The following ARHGEF12 variants were observed in gnomAD, a reference collection of about 807,000 sequenced individuals.
ARHGEF12 encodes KMT2A/ARHGEF12 fusion protein.
A neutral mutation model predicts 211.2 loss-of-function variants in ARHGEF12; 66 were observed. That is an observed-to-expected ratio of 0.31 (90% confidence interval 0.26 to 0.38). The LOEUF (loss-of-function observed/expected upper bound fraction) is 0.38, where lower values mean the gene tolerates loss of function less well. Ranked by LOEUF, ARHGEF12 falls within the 10% of genes least tolerant of loss-of-function variation. The pLI is 1.00. For synonymous variants in ARHGEF12, 592 were observed against 638.4 expected (o/e 0.93, Z 1.09); for missense variants, 1,429 against 1,869.5 (o/e 0.76, Z 4.34).
intron 30 of ARHGEF12, 152 bp downstream of exon 30, chr11:120,469,540 C>T (rs1371598847): frequency 1.5e-6 from 1 of 677,402 alleles, no homozygotes; most frequent in Non-Finnish European, 2.4e-6. Flanking sequence ...AGGTCAAGAT[C>T]AATCTGTGAT....
intron 1 of ARHGEF12, among the ~76,000 whole-genome samples, chr11:120,380,616 A>G (rs1943852169): frequency 6.6e-6 from 1 of 152,190 alleles, no homozygotes; most frequent in Admixed American, 6.5e-5. Context: ...GGGGTGCATG[A>G]TGTCCACGTG....
intron 1 of ARHGEF12, among the ~76,000 whole-genome samples, chr11:120,392,538 G>A (rs1366966867): frequency 2.0e-5 from 3 of 152,064 alleles, no homozygotes; most frequent in East Asian, 1.9e-4. Flanking sequence ...TGCCTGTAAC[G>A]GAAAACACAA....
At chr11:120,367,511 G>A (rs1212162772) in intron 1 of ARHGEF12, among the ~76,000 whole-genome samples, 4 of 151,114 alleles carry the variant, frequency 2.6e-5, no homozygotes, top group African/African-American at 7.3e-5. Flanking sequence ...GATTACAGGC[G>A]CATGCCACCA....
At chr11:120,391,927 G>A (rs1944230890) in intron 1 of ARHGEF12, among the ~76,000 whole-genome samples, 1 of 152,162 alleles carries the variant, frequency 6.6e-6, no homozygotes, top group Non-Finnish European at 1.5e-5. Context: ...AGTATTTGAT[G>A]TTTGAGACAA....
At position 120,487,724 on chromosome 11, in the gene ARHGEF12, G is replaced by A; in HGVS notation, c.*2647G>A. ...TGCATTTTAGCTATGGAAGTGACCT[G>A]CTGTGACACTGTGCTCTCTTCTGTG... On this transcript the variant is annotated 3_prime_UTR_variant, in exon 41 of 41. Transcript: ENST00000397843. 4.5e-6 allele frequency: 1 copy of A among 220,792 alleles called. No individual in the cohort carries two copies. Among genetic ancestry groups the A allele is most frequent in the East Asian group, 6.6e-5 (1 of 15,120 alleles). 13.7% of individuals were successfully genotyped at this position (220,792 alleles called of 1,614,324 possible).
chr11:120,380,620 C>A (rs974985487), intron 1 of ARHGEF12, among the ~76,000 whole-genome samples: 2 of 152,166 alleles, frequency 1.3e-5, no homozygotes, highest in African/African-American at 4.8e-5. Context: ...TGCATGATGT[C>A]CACGTGGCAT....
rs1482638096 is a variant in ARHGEF12, at chr11:120,417,636, T to A, written c.200-3117T>A. ...TTCAAGCAGTTCTCCTGCCTCAGCC[T>A]CCCAAGTAGCTGAGATTACAGGTAC... On this transcript the variant is annotated intron_variant, in intron 4 of 40. Transcript: ENST00000397843. Among the ~76,000 whole-genome samples the A allele has an allele frequency of 7.9e-5, 12 of 150,998 alleles. No homozygotes were observed. The East Asian group carries it at 2.0e-3, about 25-fold the overall frequency.
rs773336293 is a variant in ARHGEF12, at chr11:120,429,736, A to T, written c.688A>T (p.Thr230Ser). Residue 230 changes from threonine (T) to serine (S), a missense_variant, in exon 10 of 41, where the codon ACA becomes TCA. Transcript: ENST00000397843. ...LQLLQEDYNR[T>S]PAQRLLKEIQ... ...GTTATTGCAGGAAGATTACAACCGA[A>T]CACCTGCCCAAAGATTGCTAAAAGA... 1 of 1,613,714 alleles carries T rather than the reference A, an allele frequency of 6.2e-7. No homozygotes were observed. The highest frequency in any genetic ancestry group is 8.5e-7 in the Non-Finnish European group (1 of 1,179,816).
chr11:120,362,969 A>G (rs1055215532), intron 1 of ARHGEF12, among the ~76,000 whole-genome samples: 4 of 152,284 alleles, frequency 2.6e-5, no homozygotes, highest in East Asian at 1.9e-4. Context: ...GCGTGGTGGC[A>G]GGCGCCTGTA....
intron 1 of ARHGEF12, among the ~76,000 whole-genome samples, chr11:120,399,493 T>C (rs1183743417): frequency 1.3e-5 from 2 of 152,120 alleles, no homozygotes; most frequent in Admixed American, 6.6e-5. Flanking sequence ...TCTGTTTAGC[T>C]GTCTGGCATA....
intron 1 of ARHGEF12, among the ~76,000 whole-genome samples, chr11:120,368,984 T>C (rs1056023772): frequency 6.6e-6 from 1 of 152,202 alleles, no homozygotes; most frequent in Non-Finnish European, 1.5e-5. Flanking sequence ...TTTGCCAGCA[T>C]TTATAATATA....
chr11:120,470,508 C>G (rs1946837359), intron 30 of ARHGEF12, among the ~76,000 whole-genome samples: 1 of 152,156 alleles, frequency 6.6e-6, no homozygotes, highest in Non-Finnish European at 1.5e-5. Flanking sequence ...TAGACATGCA[C>G]AGTAAGCAGT....
Position 120,423,926 on chromosome 11 carries a change from T to A in ARHGEF12, c.349-432T>A, listed in dbSNP as rs74756037. Among the ~76,000 whole-genome samples the A allele has an allele frequency of 8.6e-3, 1,306 of 152,310 alleles. 85 individuals carry two copies. The South Asian group carries it at 0.16, about 19-fold the overall frequency. Reference sequence around the variant, plus strand: ...ATTAATTTTCTTTGTGAAGATTAGATCATGGTTGAAAAACTAAAAGCAAAT... The same window carrying A: ...ATTAATTTTCTTTGTGAAGATTAGAACATGGTTGAAAAACTAAAAGCAAAT... On this transcript the variant is annotated intron_variant, in intron 6 of 40. Coordinates refer to ENST00000397843, the MANE Select transcript of ARHGEF12 (RefSeq NM_015313.3).
intron 7 of ARHGEF12, among the ~76,000 whole-genome samples, chr11:120,427,382 C>T (rs991453437): frequency 2.0e-5 from 3 of 152,090 alleles, no homozygotes; most frequent in African/African-American, 7.2e-5. Context: ...ATTCACTAAA[C>T]CCTGCCTAGT....
chr11:120,359,595 G>A (rs566955680), intron 1 of ARHGEF12, among the ~76,000 whole-genome samples: 4 of 152,162 alleles, frequency 2.6e-5, no homozygotes, highest in Non-Finnish European at 4.4e-5. Context: ...GAATATCTGG[G>A]TACAAATATC....
intron 22 of ARHGEF12, among the ~76,000 whole-genome samples, chr11:120,451,952 G>T (rs138716077): frequency 2.0e-5 from 3 of 152,080 alleles, no homozygotes; most frequent in Admixed American, 6.6e-5. Context: ...GCTTTGTCCC[G>T]GATGTTAACA....
At chr11:120,361,651 T>A (rs1477675477) in intron 1 of ARHGEF12, among the ~76,000 whole-genome samples, 1 of 152,008 alleles carries the variant, frequency 6.6e-6, no homozygotes, top group Non-Finnish European at 1.5e-5. Flanking sequence ...TTCCAGTGAG[T>A]TTTTCAGAGG....
chr11:120,434,360 A>C (rs1830345508), intron 11 of ARHGEF12, among the ~76,000 whole-genome samples: 1 of 152,262 alleles, frequency 6.6e-6, no homozygotes, highest in Non-Finnish European at 1.5e-5. Flanking sequence ...CCAAATAAAT[A>C]AATGAATATT....
At chr11:120,350,905 TATG>T (rs1277958484) in intron 1 of ARHGEF12, among the ~76,000 whole-genome samples, 1 of 152,160 alleles carries the variant, frequency 6.6e-6, no homozygotes, top group African/African-American at 2.4e-5. Flanking sequence ...ATGTGATAAA[TATG>T]ATGATCTTTT....
Sources: allele counts gnomAD v4.1 joint callset (sites outside exome capture counted in the v4.1 genomes callset), GRCh38; gene constraint gnomAD v4.1.1; transcripts MANE v1.5; gene names NCBI Gene and HGNC (gene_info 2026-07-23, HGNC 2026-07-21).